The following ZNF667 variants were observed in gnomAD, a reference collection of about 807,000 sequenced individuals.
The protein encoded by ZNF667 is zinc finger protein 667.
A neutral mutation model predicts 31.8 loss-of-function variants in ZNF667; 13 were observed. The ratio of observed to expected loss-of-function variants is 0.41; its 90% CI spans 0.27 to 0.65. ZNF667 has a LOEUF of 0.65. Among genes scored for constraint, ZNF667 ranks in the 30% least tolerant of loss-of-function variants. The probability of loss-of-function intolerance (pLI) is 0.32; values close to 1 mark genes in which losing one functional copy is unlikely to be tolerated. For synonymous variants in ZNF667, 228 were observed against 247.1 expected, an observed-to-expected ratio of 0.92 and a Z score of 0.73; for missense variants, 642 against 725.6, an observed-to-expected ratio of 0.88 and a Z score of 1.32.
chr19:56,447,649 G>A (rs577831240), intron 6 of ZNF667, among the ~76,000 whole-genome samples: 6 of 152,128 alleles, frequency 3.9e-5, no homozygotes, highest in East Asian at 1.9e-4. Flanking sequence ...TTGGGAGGCC[G>A]AGGTGGGTGG....
At chr19:56,442,872 T>C (rs756855517) in intron 6 of ZNF667, 131 bp from the exon 7 acceptor site, 27 of 1,269,236 alleles carry the variant, frequency 2.1e-5, no homozygotes, top group Non-Finnish European at 2.6e-5. Flanking sequence ...CTTTTTAGTG[T>C]TTTATTGTGG....
intron 3 of ZNF667, chr19:56,467,013 C>T (rs1251383789): frequency 2.2e-6 from 1 of 456,678 alleles, no homozygotes; most frequent in Non-Finnish European, 4.4e-6. Context: ...TGTGCAAGAT[C>T]CAAGAACCCT....
chr19:56,447,143 C>G (rs529627443), intron 6 of ZNF667, among the ~76,000 whole-genome samples: 1 of 144,100 alleles, frequency 6.9e-6, no homozygotes, highest in Admixed American at 6.9e-5. Flanking sequence ...TCCAATCACA[C>G]AAAAATGAAA....
In ZNF667 at chr19:56,460,780, G is replaced by A. The variant is rs142956557; in HGVS notation, c.69C>T (p.Phe23=). ...PITFGDLAIY[F]SQEEWEWLSP... is the part of the protein sequence containing the mutation. ...TCAGCCATTCCCACTCCTCCTGGGA[G>A]AAGTAGATGGCTAAGTCCCCAAATG... is the stretch of plus-strand genomic sequence containing the variant. The change falls in exon 5 of 7, where the codon TTC becomes TTT. Residue 23 remains phenylalanine (F), a synonymous_variant. Transcript: ENST00000504904. 1.7e-5 allele frequency: 27 copies of A among 1,610,270 alleles called. No homozygotes were observed. The Middle Eastern group carries it at 4.9e-4, about 29-fold the overall frequency.
chr19:56,477,422 C>A (rs1375421162), upstream of ZNF667: 1 of 152,136 alleles, frequency 6.6e-6, no homozygotes, highest in East Asian at 1.9e-4. Flanking sequence ...GGCCCCGCCC[C>A]CAAACAAGGC....
At position 56,442,139 on chromosome 19, in the gene ZNF667, A is replaced by G. The variant is rs531786899; in HGVS notation, c.856T>C (p.Cys286Arg). The G allele has an allele frequency of 2.9e-5, 47 of 1,613,168 alleles. No individual in the cohort carries two copies. The South Asian group carries it at 4.9e-4, about 17-fold the overall frequency. The change falls in exon 7 of 7, where the codon TGT becomes CGT. Residue 286 changes from cysteine to arginine, a missense_variant. Physicochemically the swap from Cys to Arg is radical, Grantham distance 180 (BLOSUM62 -3). Transcript: ENST00000504904. ...NGKKTHKYNK[C>R]GRGFKKKSVF... ...GATTTCTTTTTGAAGCCTCTCCCAC[A>G]TTTATTATATTTATGTGTTTTCTTT...
At position 56,440,377 on chromosome 19, in the gene ZNF667, C is replaced by T. The variant is rs531221141; in HGVS notation, c.*785G>A. The T allele has an allele frequency of 6.5e-6, 1 of 153,826 alleles. No individual in the cohort carries two copies. Among genetic ancestry groups the T allele is most frequent in the African/African-American group, 2.4e-5 (1 of 41,574 alleles). 9.5% of individuals were successfully genotyped at this position (153,826 alleles called of 1,614,324 possible). A position where few individuals can be genotyped will look rare whatever the true frequency, so the allele number is the denominator to read the frequency against. On this transcript the variant is annotated 3_prime_UTR_variant, in exon 7 of 7. Transcript: ENST00000504904. Reference sequence around the variant, plus strand: ...GTAAAGTAAGGTTTCTACTGTTACACACCATTATGAGTGACAACTTTATCT... The same window carrying T: ...GTAAAGTAAGGTTTCTACTGTTACATACCATTATGAGTGACAACTTTATCT...
Position 56,441,587 on chromosome 19 carries a change from GT to G in ZNF667, c.1407del (p.Lys469AsnfsTer130). The G allele has an allele frequency of 6.2e-7, 1 of 1,614,128 alleles. No homozygotes were observed. Among genetic ancestry groups the G allele is most frequent in the Non-Finnish European group, 8.5e-7 (1 of 1,180,028 alleles). ...IEHQRIHTGEKPYQCEECGKA... is the reference protein window; with the variant it reads ...IEHQRIHTGEXPYQCEECGKA... ...TTTCCACATTCCTCACACTGGTAGG[GT>G]TTTTCTCCAGTATGAATTCTTTGAT... On this transcript the variant is annotated frameshift_variant, in exon 7 of 7. Transcript: ENST00000504904. LOFTEE classifies it high-confidence loss of function. The surrounding 1 kb of genome is among the most constrained non-coding windows in gnomAD (Gnocchi z 4.2).
intron 6 of ZNF667, among the ~76,000 whole-genome samples, chr19:56,456,534 G>T (rs2042934755): frequency 6.6e-6 from 1 of 152,160 alleles, no homozygotes; most frequent in African/African-American, 2.4e-5. Flanking sequence ...TTTACTGGGG[G>T]CTGGTGATAT....
chr19:56,453,165 T>A (rs1460441077), intron 6 of ZNF667, among the ~76,000 whole-genome samples: 2 of 152,084 alleles, frequency 1.3e-5, no homozygotes, highest in Non-Finnish European at 2.9e-5. Flanking sequence ...CTACCAAGAC[T>A]GAATCATGAA....
In ZNF667 at chr19:56,442,103, C is replaced by T. The variant is rs776220133; in HGVS notation, c.892G>A (p.Val298Ile). 1.9e-6 allele frequency: 3 copies of T among 1,613,788 alleles called. No homozygotes were observed. The highest frequency in any genetic ancestry group is 1.7e-6 in the Non-Finnish European group (2 of 1,179,926). The change falls in exon 7 of 7, where the codon GTA becomes ATA. Residue 298 changes from valine (V) to isoleucine (I), a missense_variant. Coordinates refer to ENST00000504904, the MANE Select transcript of ZNF667 (RefSeq NM_001321356.2). ...TCTCCAGCATGAATTCTTTTATGTA[C>T]AACAAAGACTGATTTCTTTTTGAAG... ...RGFKKKSVFV[V>I]HKRIHAGEKI... is the part of the protein sequence containing the mutation.
intron 6 of ZNF667, among the ~76,000 whole-genome samples, chr19:56,443,801 A>G (rs1001273296): frequency 6.6e-5 from 10 of 152,244 alleles, no homozygotes; most frequent in Non-Finnish European, 1.3e-4. Flanking sequence ...AGTAAAATAG[A>G]TCAATATGGC....
Position 56,441,790 on chromosome 19 carries a change from A to G in ZNF667, c.1205T>C (p.Ile402Thr), listed in dbSNP as rs188095264. The G allele has an allele frequency of 1.9e-6, 3 of 1,614,044 alleles. No homozygotes were observed. Among genetic ancestry groups the G allele is most frequent in the Admixed American group, 1.7e-5 (1 of 60,002 alleles). ...EKVCNRHSSL[I>T]QHQKVHTKKK... ...CTTTGTATGAACTTTCTGATGTTGA[A>G]TAAGGGATGAATGCCGATTGCAGAC... The change falls in exon 7 of 7, where the codon ATT becomes ACT. Residue 402 changes from isoleucine (I) to threonine (T), a missense_variant. Physicochemically the swap from Ile to Thr is moderately conservative, Grantham distance 89. Coordinates refer to ENST00000504904, the MANE Select transcript of ZNF667 (RefSeq NM_001321356.2). This position sits in a 1 kb window ranked among gnomAD's most constrained non-coding sequence, Gnocchi z 4.2.
At chr19:56,459,451 C>T (rs945649668) in intron 5 of ZNF667, among the ~76,000 whole-genome samples, 5 of 152,104 alleles carry the variant, frequency 3.3e-5, no homozygotes, top group African/African-American at 1.2e-4. Flanking sequence ...TAGTTCTGTA[C>T]TCCCAGAACC....
At chr19:56,469,255 C>T (rs139157389) in intron 3 of ZNF667, among the ~76,000 whole-genome samples, 178 of 152,338 alleles carry the variant, frequency 1.2e-3, no homozygotes, top group African/African-American at 4.1e-3. Context: ...CCCACGCACG[C>T]ACATCCAGAG....
chr19:56,460,785 A>G lies in ZNF667; in HGVS notation c.64T>C (p.Tyr22His). 1.2e-6 allele frequency: 2 copies of G among 1,610,102 alleles called. No individual in the cohort carries two copies. Among genetic ancestry groups the G allele is most frequent in the Non-Finnish European group, 1.7e-6 (2 of 1,178,598 alleles). The part of the protein sequence containing the change: ...APITFGDLAI[Y>H]FSQEEWEWLS... Reference sequence around the variant, plus strand: ...CATTCCCACTCCTCCTGGGAGAAGTAGATGGCTAAGTCCCCAAATGTTATA... The same window carrying G: ...CATTCCCACTCCTCCTGGGAGAAGTGGATGGCTAAGTCCCCAAATGTTATA... The change falls in exon 5 of 7, where the codon TAC becomes CAC. Residue 22 changes from tyrosine to histidine, a missense_variant. Physicochemically the swap from Tyr to His is moderately conservative, Grantham distance 83 (BLOSUM62 2). Transcript: ENST00000504904.
Position 56,451,823 on chromosome 19 carries a change from C to T in ZNF667, c.253+6332G>A, listed in dbSNP as rs532220690. 9.9e-5 allele frequency among the ~76,000 whole-genome samples: 14 copies of T among 140,814 alleles called. 1 individual carries two copies. In the East Asian group the frequency reaches 2.2e-3, roughly 22 times the overall value. 92.4% of individuals were successfully genotyped at this position (140,814 alleles called of 152,430 possible). A position where few individuals can be genotyped will look rare whatever the true frequency, so the allele number is the denominator to read the frequency against. Reference sequence around the variant, plus strand: ...GGTTGAGGCTGCAGTGAGTTGTGATCGCACCACTGTATTCCAGCCTGGGTG... The same window carrying T: ...GGTTGAGGCTGCAGTGAGTTGTGATTGCACCACTGTATTCCAGCCTGGGTG... On this transcript the variant is annotated intron_variant, in intron 6 of 6. Coordinates refer to ENST00000504904, the MANE Select transcript of ZNF667 (RefSeq NM_001321356.2).
At chr19:56,465,807 G>T (rs539803618) in intron 3 of ZNF667, among the ~76,000 whole-genome samples, 1 of 152,232 alleles carries the variant, frequency 6.6e-6, no homozygotes, top group South Asian at 2.1e-4. Flanking sequence ...CCTGTGTGCA[G>T]GGTCAGCCCC....
intron 3 of ZNF667, among the ~76,000 whole-genome samples, chr19:56,470,746 G>A (rs113105916): frequency 2.0e-4 from 30 of 152,210 alleles, no homozygotes; most frequent in African/African-American, 6.3e-4. Context: ...GCGAGGGCTC[G>A]GTGACGAACT....
Sources: allele counts gnomAD v4.1 joint callset (sites outside exome capture counted in the v4.1 genomes callset), GRCh38; gene constraint gnomAD v4.1.1; non-coding constraint Gnocchi (gnomAD v3.1); transcripts MANE v1.5; gene names NCBI Gene and HGNC (gene_info 2026-07-23, HGNC 2026-07-21).